Variants in PPP2R2B observed in about 807,000 individuals in gnomAD.
The protein encoded by PPP2R2B is serine/threonine-protein phosphatase 2A 55 kDa regulatory subunit B beta isoform.
PPP2R2B carries 5 observed loss-of-function variants against 46.0 expected under a neutral mutation model. The ratio of observed to expected loss-of-function variants is 0.11; its 90% CI spans 0.06 to 0.23. The LOEUF is 0.23. Ranked by LOEUF, PPP2R2B falls within the 10% of genes least tolerant of loss-of-function variation. The pLI, the probability that PPP2R2B is intolerant of heterozygous loss-of-function variation, is 1.00. For missense variants in PPP2R2B, 367 were observed against 575.0 expected (o/e 0.64, Z 3.70); for synonymous variants, 215 against 206.7 (o/e 1.04, Z -0.34).
intron 2 of PPP2R2B, among the ~76,000 whole-genome samples, chr5:146,719,647 G>T (rs191383975): frequency 6.6e-6 from 1 of 152,080 alleles, no homozygotes; most frequent in Non-Finnish European, 1.5e-5. Context: ...GCAGAGCAAG[G>T]CTCCACAGCT....
chr5:146,843,034 C>T (rs1217983815), intron 2 of PPP2R2B, among the ~76,000 whole-genome samples: 1 of 152,132 alleles, frequency 6.6e-6, no homozygotes, highest in Non-Finnish European at 1.5e-5. Flanking sequence ...ACTAAAAATA[C>T]AAAATTAGCT....
At chr5:147,012,379 G>A (rs1353686715) in intron 1 of PPP2R2B, among the ~76,000 whole-genome samples, 1 of 152,012 alleles carries the variant, frequency 6.6e-6, no homozygotes, top group Non-Finnish European at 1.5e-5. Context: ...GGTGTTTGTA[G>A]TATTCTCTGA....
chr5:146,692,014 C>A (rs962769512), intron 4 of PPP2R2B, among the ~76,000 whole-genome samples: 2 of 152,114 alleles, frequency 1.3e-5, no homozygotes, highest in East Asian at 1.9e-4. Flanking sequence ...TTCATGATAC[C>A]TTTTACTACC....
At chr5:147,004,317 C>G (rs561297465) in intron 1 of PPP2R2B, among the ~76,000 whole-genome samples, 1 of 152,256 alleles carries the variant, frequency 6.6e-6, no homozygotes, top group Non-Finnish European at 1.5e-5. Context: ...AAGCCCCCAA[C>G]CAGATGATGC....
At chr5:146,604,400 C>A (rs150062369) in intron 7 of PPP2R2B, among the ~76,000 whole-genome samples, 1 of 152,270 alleles carries the variant, frequency 6.6e-6, no homozygotes, top group Non-Finnish European at 1.5e-5. Context: ...CTTGGCATGA[C>A]AGTAGAGAAT....
chr5:146,994,961 C>G lies in PPP2R2B; in HGVS notation c.79+60704G>C, dbSNP rs2400234. Among the ~76,000 whole-genome samples the G allele has an allele frequency of 2.6e-5, 4 of 152,160 alleles. No individual in the cohort carries two copies. The South Asian group carries it at 8.3e-4, about 32-fold the overall frequency. ...ATGGAAGTATAGAATTCTTGGGAAC[C>G]TATATAGGAGGAGTCCTTGTCCCAA... On this transcript the variant is annotated intron_variant, in intron 1 of 8. Transcript: ENST00000336640.
Position 146,899,072 on chromosome 5 carries a change from C to T in PPP2R2B, c.79+156593G>A, listed in dbSNP as rs556768424. 2.0e-5 allele frequency among the ~76,000 whole-genome samples: 3 copies of T among 151,868 alleles called. No individual in the cohort carries two copies. In the East Asian group the frequency reaches 5.9e-4, roughly 30 times the overall value. On this transcript the variant is annotated intron_variant, in intron 1 of 8. Coordinates refer to the PPP2R2B transcript ENST00000336640. The stretch of plus-strand genomic sequence containing the variant: ...ATTGTGGAAGTCAGTAGGGCGATTC[C>T]TCAGGGATCTAGAACTAGAAATACC...
rs768289981 is a variant in PPP2R2B at position 146,581,415 on chromosome 5, A to G, written c.*8532T>C. ...GATGGTGCTAAACCATGCATGAGAA[A>G]TCCACCTCCACGATCCAATCACCTC... On this transcript the variant is annotated 3_prime_UTR_variant, in exon 10 of 10. Transcript: ENST00000394411. The G allele has an allele frequency of 2.0e-5, 3 of 152,134 alleles. No individual in the cohort carries two copies. The highest frequency in any genetic ancestry group is 4.4e-5 in the Non-Finnish European group (3 of 68,016). The allele number at this position is 152,134 out of a possible 1,614,324, so 9.4% of individuals were successfully genotyped here.
chr5:146,947,320 T>C (rs1343673425), intron 1 of PPP2R2B, among the ~76,000 whole-genome samples: 1 of 152,274 alleles, frequency 6.6e-6, no homozygotes, highest in African/African-American at 2.4e-5. Flanking sequence ...ACTTCATAAT[T>C]TCCAAAGCCT....
intron 1 of PPP2R2B, among the ~76,000 whole-genome samples, chr5:146,948,910 A>G (rs1011575775): frequency 2.6e-5 from 4 of 152,110 alleles, no homozygotes; most frequent in Non-Finnish European, 4.4e-5. Flanking sequence ...ACTGCTGTAC[A>G]TAAGACTCAT....
chr5:147,059,844 T>C (rs1029301884), upstream of PPP2R2B, among the ~76,000 whole-genome samples: 6 of 152,268 alleles, frequency 3.9e-5, no homozygotes, highest in Middle Eastern at 3.4e-3. Context: ...GCCCCTGCCT[T>C]GGGGCCAATA....
At chr5:147,005,783 G>A (rs1754409152) in intron 1 of PPP2R2B, among the ~76,000 whole-genome samples, 1 of 147,638 alleles carries the variant, frequency 6.8e-6, no homozygotes, top group Non-Finnish European at 1.5e-5. Context: ...GTCAGAAAGA[G>A]AGAAAGAGAG....
At chr5:146,911,416 A>G (rs1415266683) in intron 1 of PPP2R2B, among the ~76,000 whole-genome samples, 1 of 152,082 alleles carries the variant, frequency 6.6e-6, no homozygotes, top group African/African-American at 2.4e-5. Context: ...GTTGGTACTT[A>G]TGGATTTATT....
chr5:146,856,777 CCG>C (rs2151388445), intron 2 of PPP2R2B, among the ~76,000 whole-genome samples: 1 of 152,214 alleles, frequency 6.6e-6, no homozygotes, highest in East Asian at 1.9e-4. Flanking sequence ...TGCCTCAGCC[CCG>C]TCGACCTGAA....
At chr5:146,830,590 T>C (rs1461160938) in intron 2 of PPP2R2B, among the ~76,000 whole-genome samples, 1 of 151,728 alleles carries the variant, frequency 6.6e-6, no homozygotes, top group Non-Finnish European at 1.5e-5. Flanking sequence ...AGTGGCATGA[T>C]CTTGGCTCAC....
intron 2 of PPP2R2B, among the ~76,000 whole-genome samples, chr5:146,736,228 C>T (rs1331757297): frequency 2.6e-5 from 4 of 152,186 alleles, no homozygotes; most frequent in Non-Finnish European, 5.9e-5. Context: ...TTTCCTGAGG[C>T]CTCCCCAGCC....
At chr5:146,637,176 T>C (rs1386578074) in intron 7 of PPP2R2B, among the ~76,000 whole-genome samples, 2 of 152,222 alleles carry the variant, frequency 1.3e-5, no homozygotes, top group African/African-American at 4.8e-5. Context: ...ATTGTACCCC[T>C]CAGAGTTCTT....
chr5:146,669,696 C>T, intron 5 of PPP2R2B, among the ~76,000 whole-genome samples: 1 of 152,086 alleles, frequency 6.6e-6, no homozygotes, highest in East Asian at 1.9e-4. Context: ...ACATACGTTA[C>T]CTCCTTTAAG....
chr5:146,914,618 A>G (rs1463451278), intron 1 of PPP2R2B, among the ~76,000 whole-genome samples: 1 of 152,240 alleles, frequency 6.6e-6, no homozygotes, highest in African/African-American at 2.4e-5. Context: ...TAAAGGAGCT[A>G]TTGCTGCAAA....
Sources: allele counts gnomAD v4.1 joint callset (sites outside exome capture counted in the v4.1 genomes callset), GRCh38; gene constraint gnomAD v4.1.1; transcripts MANE v1.5; gene names NCBI Gene and HGNC (gene_info 2026-07-23, HGNC 2026-07-21).